CCDC171: variants seen among roughly 807,000 people sequenced by gnomAD.
CCDC171 encodes the protein coiled-coil domain-containing protein 171.
In CCDC171, 177 loss-of-function variants were observed where a neutral mutation model predicts 168.2. The ratio of observed to expected loss-of-function variants is 1.05; its 90% CI spans 0.93 to 1.19. CCDC171 has a LOEUF of 1.19. Ranked by LOEUF, CCDC171 falls within the 50% of genes most tolerant of loss-of-function variation. The pLI is 0.00. For missense variants in CCDC171, 1,991 were observed against 1,539.0 expected (o/e 1.29, Z -4.91); for synonymous variants, 687 against 540.8 (o/e 1.27, Z -3.75).
At chr9:15,986,268 C>T (rs1040453000) in intron 3 of CCDC171, among the ~76,000 whole-genome samples, 3 of 152,174 alleles carry the variant, frequency 2.0e-5, no homozygotes, top group Admixed American at 6.5e-5. Context: ...CCCTTCTCTG[C>T]GATGTGAATA....
At chr9:16,057,025 A>C (rs1054235197) in intron 1 of CCDC171, among the ~76,000 whole-genome samples, 74 of 152,236 alleles carry the variant, frequency 4.9e-4, no homozygotes, top group African/African-American at 1.8e-3. Flanking sequence ...TCCAGCATTG[A>C]GTTTTCATGC....
At chr9:15,905,434 A>G (rs1297858925) in intron 24 of CCDC171, among the ~76,000 whole-genome samples, 4 of 152,216 alleles carry the variant, frequency 2.6e-5, no homozygotes, top group East Asian at 3.9e-4. Context: ...TGGGTACATA[A>G]TGAAATGAGG....
At chr9:15,652,887 C>T (rs2132839109) in intron 7 of CCDC171, among the ~76,000 whole-genome samples, 1 of 152,278 alleles carries the variant, frequency 6.6e-6, no homozygotes, top group East Asian at 1.9e-4. Flanking sequence ...TCACATGCTT[C>T]TGATGATGTA....
At chr9:16,105,439 C>G in the CCDC171 span, among the ~76,000 whole-genome samples, 2 of 129,272 alleles carry the variant, frequency 1.5e-5, no homozygotes, top group African/African-American at 7.2e-5. Context: ...CCAGGCAGTT[C>G]TTGAAGTCCA....
chr9:15,651,485 G>T (rs1431798525), intron 7 of CCDC171, among the ~76,000 whole-genome samples: 1 of 151,660 alleles, frequency 6.6e-6, no homozygotes, highest in African/African-American at 2.4e-5. Flanking sequence ...TTGAACTCCT[G>T]ACCTCAAGCA....
chr9:15,702,001 G>A (rs2051787242), intron 11 of CCDC171, among the ~76,000 whole-genome samples: 1 of 152,200 alleles, frequency 6.6e-6, no homozygotes, highest in Non-Finnish European at 1.5e-5. Context: ...AGACTTGAAA[G>A]TAAAAATTAC....
intron 7 of CCDC171, among the ~76,000 whole-genome samples, chr9:15,641,349 T>G (rs2382536): frequency 0.95 from 144,033 of 152,148 alleles, 68,225 homozygotes; most frequent in East Asian, 1. Flanking sequence ...CAGTTTTTCT[T>G]CTTGACTAAT....
intron 7 of CCDC171, among the ~76,000 whole-genome samples, chr9:15,653,819 G>C (rs2047716021): frequency 6.6e-6 from 1 of 151,916 alleles, no homozygotes; most frequent in Non-Finnish European, 1.5e-5. Context: ...GTTTTTCTCT[G>C]TTGCCCAGGC....
chr9:15,794,493 A>G lies in CCDC171; in HGVS notation c.3267+9799A>G, dbSNP rs1001264826. Among the ~76,000 whole-genome samples the G allele has an allele frequency of 4.6e-5, 7 of 151,732 alleles. No homozygotes were observed. In the East Asian group the frequency reaches 1.4e-3, roughly 29 times the overall value. On this transcript the variant is annotated intron_variant, in intron 21 of 25. Coordinates refer to ENST00000380701, the MANE Select transcript of CCDC171 (RefSeq NM_173550.4). Reference sequence around the variant, plus strand: ...CCCACCCCCCCACCAAAAAAAAGAAAAGTCATGAATGGATGTTGGATATTA... The same window carrying G: ...CCCACCCCCCCACCAAAAAAAAGAAGAGTCATGAATGGATGTTGGATATTA...
intron 24 of CCDC171, among the ~76,000 whole-genome samples, chr9:15,913,501 TG>T (rs771331891): frequency 1.5e-3 from 232 of 152,320 alleles, no homozygotes; most frequent in Non-Finnish European, 2.7e-3. Flanking sequence ...ATTGAGTTTT[TG>T]AAGAGTTTTT....
chr9:15,724,898 G>T lies in CCDC171; in HGVS notation c.1614G>T (p.Trp538Cys). The change falls in exon 14 of 26, where the codon TGG becomes TGT. Residue 538 changes from tryptophan (W) to cysteine (C), a missense_variant. By Grantham distance (215) the Trp-to-Cys change is radical. Transcript: ENST00000380701. ...AACTACAAAATGTGCTGCACTGTTG[G>T]GAGAAAGAAAAGGCTCAGGCAGCCC... ...KVELQNVLHC[W>C]EKEKAQAAQS... is the part of the protein sequence containing the mutation. 6.2e-7 allele frequency: 1 copy of T among 1,613,908 alleles called. No homozygotes were observed. The highest frequency in any genetic ancestry group is 8.5e-7 in the Non-Finnish European group (1 of 1,179,876).
intron 3 of CCDC171, among the ~76,000 whole-genome samples, chr9:16,015,628 T>C (rs1328122598): frequency 6.6e-6 from 1 of 152,174 alleles, no homozygotes; most frequent in African/African-American, 2.4e-5. Flanking sequence ...TGTGATAATA[T>C]ATACATAACA....
intron 11 of CCDC171, among the ~76,000 whole-genome samples, chr9:15,707,334 A>C (rs1267428983): frequency 2.6e-5 from 4 of 152,244 alleles, no homozygotes; most frequent in Non-Finnish European, 5.9e-5. Flanking sequence ...TTCTTAATGC[A>C]AAGAATGCTT....
intron 16 of CCDC171, among the ~76,000 whole-genome samples, chr9:15,737,179 T>TA (rs919792880): frequency 2.0e-5 from 3 of 151,982 alleles, no homozygotes; most frequent in African/African-American, 7.2e-5. Context: ...TTAATATTAA[T>TA]AAAAAACTAT....
rs1250715555 is a variant in CCDC171 at position 15,677,997 on chromosome 9, A to C, written c.1077-761A>C. Among the ~76,000 whole-genome samples the C allele has an allele frequency of 4.3e-5, 6 of 139,478 alleles. No homozygotes were observed. In the East Asian group the frequency reaches 1.3e-3, roughly 31 times the overall value. 91.5% of individuals were successfully genotyped at this position (139,478 alleles called of 152,430 possible). ...CAATCATAGCTCACTGCAACCTTGA[A>C]CTCCTGGGCTCAAGCAATCCTCCTG... On this transcript the variant is annotated intron_variant, in intron 9 of 25. Transcript: ENST00000380701.
the CCDC171 span, among the ~76,000 whole-genome samples, chr9:16,104,861 G>C: frequency 6.6e-6 from 1 of 152,098 alleles, no homozygotes; most frequent in Non-Finnish European, 1.5e-5. Flanking sequence ...CTCAGCAGAA[G>C]AGGCAGACAT....
chr9:15,792,341 G>A (rs1258439866), intron 21 of CCDC171, among the ~76,000 whole-genome samples: 14 of 152,190 alleles, frequency 9.2e-5, no homozygotes, highest in African/African-American at 2.4e-4. Context: ...CCAGATCTAC[G>A]TCTGTTTGGT....
intron 10 of CCDC171, among the ~76,000 whole-genome samples, chr9:15,680,826 C>T (rs566785056): frequency 5.9e-5 from 9 of 152,182 alleles, no homozygotes; most frequent in East Asian, 5.8e-4. Context: ...GCATTTGGTT[C>T]GCTTGCTTAT....
intron 8 of CCDC171, among the ~76,000 whole-genome samples, chr9:15,664,029 G>A (rs1273895136): frequency 6.6e-6 from 1 of 152,172 alleles, no homozygotes; most frequent in Non-Finnish European, 1.5e-5. Flanking sequence ...AATACCACAT[G>A]ATCTGACTTA....
Sources: gnomAD v4.1 joint callset for allele counts (sites outside exome capture counted in the v4.1 genomes callset) on GRCh38, gnomAD v4.1.1 for gene constraint, MANE v1.5 for transcripts, NCBI Gene and HGNC (gene_info 2026-07-23, HGNC 2026-07-21) for gene names.